The following EIF4E2 variants were observed in gnomAD, a reference collection of about 807,000 sequenced individuals.
The protein encoded by EIF4E2 is eukaryotic translation initiation factor 4E family member 2.
EIF4E2 carries 13 observed loss-of-function variants against 34.2 expected under a neutral mutation model. That is an observed-to-expected ratio of 0.38 (90% CI 0.25 to 0.60). EIF4E2 has a LOEUF of 0.60. Ranked by LOEUF, EIF4E2 falls within the 20% of genes least tolerant of loss-of-function variation. The pLI, the probability that EIF4E2 is intolerant of heterozygous loss-of-function variation, is 0.62. For synonymous variants in EIF4E2, 100 were observed against 106.6 expected, an observed-to-expected ratio of 0.94 and a Z score of 0.38; for missense variants, 222 against 315.1, an observed-to-expected ratio of 0.70 and a Z score of 2.24.
At chr2:232,567,855 A>G in intron 6 of EIF4E2, 1 of 985,500 alleles carries the variant, frequency 1.0e-6, no homozygotes, top group Non-Finnish European at 1.2e-6. Flanking sequence ...ATTGAGTGTC[A>G]GAAGTAAGCT....
intron 6 of EIF4E2, among the ~76,000 whole-genome samples, chr2:232,580,411 A>G (rs1340928408): frequency 2.0e-5 from 3 of 151,912 alleles, no homozygotes; most frequent in Non-Finnish European, 4.4e-5. Flanking sequence ...TGCCCCTTCC[A>G]CCTCCACTGC....
chr2:232,569,378 G>A (rs1257372985), downstream of EIF4E2, among the ~76,000 whole-genome samples: 1 of 152,098 alleles, frequency 6.6e-6, no homozygotes, highest in Non-Finnish European at 1.5e-5. Context: ...TTTGTTCCAG[G>A]ACTGCTGAGG....
At chr2:232,555,336 GCC>G (rs546187423) in intron 1 of EIF4E2, among the ~76,000 whole-genome samples, 239 of 152,282 alleles carry the variant, frequency 1.6e-3, no homozygotes, top group African/African-American at 5.1e-3. Context: ...TAATGGTCCA[GCC>G]CTAAAATAAA....
At chr2:232,555,917 G>C (rs981117877) in intron 1 of EIF4E2, among the ~76,000 whole-genome samples, 3 of 135,046 alleles carry the variant, frequency 2.2e-5, no homozygotes, top group African/African-American at 5.9e-5. Context: ...GATGGATAGA[G>C]AGTGAGAGAT....
chr2:232,565,566 G>A (rs1481197131), intron 4 of EIF4E2, among the ~76,000 whole-genome samples: 5 of 151,646 alleles, frequency 3.3e-5, no homozygotes, highest in Non-Finnish European at 7.4e-5. Flanking sequence ...CCCAGGAGGT[G>A]GAGGTTGCAC....
chr2:232,569,005 G>T lies in EIF4E2; in HGVS notation c.726G>T (p.Leu242Phe). ...LLFQNLWKPR[L>F]NVP Reference sequence around the variant, plus strand: ...TTCAAAACCTCTGGAAGCCGCGGTTGAATGTGCCATGACCCTCTCCCTCTC... The same window carrying T: ...TTCAAAACCTCTGGAAGCCGCGGTTTAATGTGCCATGACCCTCTCCCTCTC... Residue 242 changes from leucine to phenylalanine, a missense_variant, in exon 7 of 7, where the codon TTG (leucine) becomes TTT (phenylalanine). This residue lies in a region of EIF4E2 where 30 missense variants were observed against 26.3 expected (regional missense o/e 1.14). Transcript: ENST00000258416. 6.2e-7 allele frequency: 1 copy of T among 1,614,178 alleles called. No homozygotes were observed. The highest frequency in any genetic ancestry group is 8.5e-7 in the Non-Finnish European group (1 of 1,180,026).
chr2:232,562,561 G>T (rs1332091395), intron 3 of EIF4E2, among the ~76,000 whole-genome samples: 2 of 152,166 alleles, frequency 1.3e-5, no homozygotes, highest in African/African-American at 4.8e-5. Flanking sequence ...TTGCACTCCA[G>T]CCTGGACAAA....
At chr2:232,571,567 A>G (rs1693091908), downstream of EIF4E2, among the ~76,000 whole-genome samples, 1 of 152,240 alleles carries the variant, frequency 6.6e-6, no homozygotes, top group Admixed American at 6.5e-5. Context: ...AAAACAGGCC[A>G]AATTCCCATA....
chr2:232,574,397 C>T (rs527390234), intron 6 of EIF4E2: 19 of 1,516,450 alleles, frequency 1.3e-5, no homozygotes, highest in Middle Eastern at 1.7e-4. Context: ...ATCCATAGGA[C>T]CCCTCTTCCC....
At chr2:232,560,920 T>C (rs1692700895) in intron 3 of EIF4E2, among the ~76,000 whole-genome samples, 1 of 152,242 alleles carries the variant, frequency 6.6e-6, no homozygotes, top group African/African-American at 2.4e-5. Flanking sequence ...CAATAAATGC[T>C]TGTTGAATGA....
rs746994236 is a variant in EIF4E2, at chr2:232,581,054, G to T, written c.*111G>T. On this transcript the variant is annotated 3_prime_UTR_variant, in exon 7 of 7. Transcript: ENST00000409098. This position sits in a 1 kb window ranked among gnomAD's most constrained non-coding sequence, Gnocchi z 5.2. ...CTCACTGAAGGGACGTCCCTGAGCC[G>T]TGCGCTCTCCTTTTGCACTCATTCC... The T allele has an allele frequency of 4.7e-6, 5 of 1,070,830 alleles. No homozygotes were observed. The highest frequency in any genetic ancestry group is 1.3e-5 in the South Asian group (1 of 74,386). The allele number at this position is 1,070,830 out of a possible 1,614,324, so 66.3% of individuals were successfully genotyped here.
At chr2:232,574,968 A>G (rs1693175009) in intron 6 of EIF4E2, among the ~76,000 whole-genome samples, 1 of 152,204 alleles carries the variant, frequency 6.6e-6, no homozygotes, top group Admixed American at 6.5e-5. Flanking sequence ...TTTGTATTTC[A>G]GTTAAGAGAG....
At chr2:232,559,172 T>C (rs1049366949) in intron 3 of EIF4E2, among the ~76,000 whole-genome samples, 2 of 150,876 alleles carry the variant, frequency 1.3e-5, no homozygotes, top group African/African-American at 2.5e-5. Context: ...TGTATACATA[T>C]GTAACTAACC....
downstream of EIF4E2, chr2:232,574,194 G>A (rs914532077): frequency 4.8e-6 from 7 of 1,468,022 alleles, no homozygotes; most frequent in South Asian, 8.5e-5. Context: ...GGGTTATTGT[G>A]TCTGCTCTCT....
chr2:232,567,893 T>A, intron 6 of EIF4E2: 3 of 985,258 alleles, frequency 3.0e-6, no homozygotes, highest in Non-Finnish European at 3.6e-6. Flanking sequence ...GTGTGGGGAG[T>A]GGCTGTCAGA....
rs760020998 is a variant in EIF4E2, at chr2:232,557,961, T to C, written c.213T>C (p.Arg71=). 15 of 1,614,002 alleles carry C rather than the reference T, an allele frequency of 9.3e-6. No homozygotes were observed. The South Asian group carries it at 1.5e-4, about 17-fold the overall frequency. Residue 71 remains arginine, a synonymous_variant, in exon 3 of 7, where the codon CGT becomes CGC. Transcript: ENST00000258416. ...TFWYSRRTPG[R]PTSSQSYEQN... ...GGTACTCCAGGAGAACCCCCGGCCG[T>C]CCCACGAGCTCACAGAGCTATGAAC...
intron 6 of EIF4E2, chr2:232,574,389 C>T (rs1693160599): frequency 5.9e-6 from 9 of 1,526,160 alleles, no homozygotes; most frequent in Non-Finnish European, 7.1e-6. Flanking sequence ...TACCTCTCAT[C>T]CATAGGACCC....
downstream of EIF4E2, chr2:232,574,129 GCTCCC>G: frequency 1.1e-6 from 1 of 914,472 alleles, no homozygotes; most frequent in Non-Finnish European, 1.8e-6. Context: ...TCGCTGCTCT[GCTCCC>G]AGGTACCTGT....
chr2:232,557,820 T>C, intron 2 of EIF4E2, 64 bp from the exon 3 acceptor site: 1 of 1,568,646 alleles, frequency 6.4e-7, no homozygotes, highest in Non-Finnish European at 8.7e-7. Context: ...CACTGCAAAA[T>C]GTTCTCTCAG....
Sources: gnomAD v4.1 joint callset for allele counts (sites outside exome capture counted in the v4.1 genomes callset) on GRCh38, gnomAD v4.1.1 for gene constraint, gnomAD v4.1.1 regional missense constraint, Gnocchi (gnomAD v3.1) non-coding constraint, MANE v1.5 for transcripts, NCBI Gene and HGNC (gene_info 2026-07-23, HGNC 2026-07-21) for gene names.